The following ZCCHC7 variants were observed in gnomAD, a reference collection of about 807,000 sequenced individuals.
ZCCHC7 encodes the protein zinc finger CCHC-type containing 7.
Under a neutral mutation model 52.0 loss-of-function variants are expected in ZCCHC7, and 35 were observed. The ratio of observed to expected loss-of-function variants is 0.67; its 90% CI spans 0.51 to 0.89. The LOEUF is 0.89. ZCCHC7 is among the 40% of genes least tolerant of loss of function. The pLI, the probability that ZCCHC7 is intolerant of heterozygous loss-of-function variation, is 0.00. For missense variants in ZCCHC7, 574 were observed against 649.1 expected (o/e 0.88, Z 1.26); for synonymous variants, 217 against 221.5 (o/e 0.98, Z 0.18).
intron 2 of ZCCHC7, among the ~76,000 whole-genome samples, chr9:37,143,374 A>T (rs1649165465): frequency 6.6e-6 from 1 of 151,750 alleles, no homozygotes; most frequent in Non-Finnish European, 1.5e-5. Flanking sequence ...AAACTGTTTT[A>T]GCTTTAGCGT....
intron 2 of ZCCHC7, among the ~76,000 whole-genome samples, chr9:37,266,009 T>A (rs1827089352): frequency 6.6e-6 from 1 of 152,236 alleles, no homozygotes; most frequent in African/African-American, 2.4e-5. Context: ...AATTCCTACT[T>A]CTTCCTCAAG....
At chr9:37,181,854 T>G (rs1588440018) in intron 2 of ZCCHC7, among the ~76,000 whole-genome samples, 1 of 152,188 alleles carries the variant, frequency 6.6e-6, no homozygotes. Context: ...TTTTATAAAT[T>G]TTTAAAAAAA....
intron 2 of ZCCHC7, among the ~76,000 whole-genome samples, chr9:37,296,881 T>TTG (rs56378965): frequency 0.15 from 18,277 of 123,946 alleles, 1,571 homozygotes; most frequent in Middle Eastern, 0.23. Flanking sequence ...CCTGGCTAGT[T>TTG]TGTGTGTGTG....
chr9:37,254,312 A>G (rs376425508), intron 2 of ZCCHC7, among the ~76,000 whole-genome samples: 19 of 152,086 alleles, frequency 1.2e-4, no homozygotes, highest in South Asian at 4.1e-4. Context: ...GTTGGCTGAC[A>G]TAAGAAAAAT....
intron 2 of ZCCHC7, among the ~76,000 whole-genome samples, chr9:37,236,382 CT>C (rs565230377): frequency 3.0e-3 from 436 of 144,396 alleles, no homozygotes; most frequent in East Asian, 0.011. Context: ...ATTTCTCTAC[CT>C]TTTTTTTTTT....
At chr9:37,303,611 A>T (rs933715601) in intron 3 of ZCCHC7, among the ~76,000 whole-genome samples, 7 of 146,526 alleles carry the variant, frequency 4.8e-5, no homozygotes, top group Non-Finnish European at 9.0e-5. Context: ...GACAAAAAGC[A>T]GTAGAGTTAC....
intron 2 of ZCCHC7, among the ~76,000 whole-genome samples, chr9:37,278,555 G>A (rs951673642): frequency 3.9e-5 from 6 of 152,054 alleles, no homozygotes; most frequent in African/African-American, 1.4e-4. Context: ...CAGAAGAAGA[G>A]AAGGAAACTG....
chr9:37,323,600 A>G (rs1830132640), intron 5 of ZCCHC7, among the ~76,000 whole-genome samples: 1 of 152,204 alleles, frequency 6.6e-6, no homozygotes, highest in Non-Finnish European at 1.5e-5. Flanking sequence ...CTCTTTATCA[A>G]GAATGGCAAA....
At chr9:37,206,474 C>T (rs1823923281) in intron 2 of ZCCHC7, among the ~76,000 whole-genome samples, 1 of 152,054 alleles carries the variant, frequency 6.6e-6, no homozygotes, top group Non-Finnish European at 1.5e-5. Context: ...ACCTCAGCCC[C>T]CCGAGTAGCT....
intron 2 of ZCCHC7, among the ~76,000 whole-genome samples, chr9:37,281,235 C>G (rs1448323438): frequency 6.6e-6 from 1 of 152,172 alleles, no homozygotes; most frequent in Non-Finnish European, 1.5e-5. Flanking sequence ...AGGCTGGTCT[C>G]AAACTCCTGG....
intron 5 of ZCCHC7, among the ~76,000 whole-genome samples, chr9:37,311,758 C>G (rs995379092): frequency 1.3e-5 from 2 of 152,150 alleles, no homozygotes; most frequent in African/African-American, 2.4e-5. Context: ...CAGCCATATA[C>G]TACAATATTT....
chr9:37,254,550 G>T (rs1262190682), intron 2 of ZCCHC7, among the ~76,000 whole-genome samples: 1 of 151,864 alleles, frequency 6.6e-6, no homozygotes, highest in East Asian at 1.9e-4. Context: ...AAAAAAAGGC[G>T]TCAGAAGGTT....
chr9:37,177,694 T>A (rs964357783), intron 2 of ZCCHC7, among the ~76,000 whole-genome samples: 5 of 152,170 alleles, frequency 3.3e-5, no homozygotes, highest in African/African-American at 1.2e-4. Context: ...GATATACTCT[T>A]GATATGATAT....
intron 1 of ZCCHC7, among the ~76,000 whole-genome samples, chr9:37,125,350 G>A (rs551942945): frequency 6.6e-6 from 1 of 151,906 alleles, no homozygotes; most frequent in East Asian, 1.9e-4. Flanking sequence ...TGGAGATGGG[G>A]TCTTACTGTG....
intron 2 of ZCCHC7, among the ~76,000 whole-genome samples, chr9:37,268,077 T>C (rs1166884633): frequency 1.3e-5 from 2 of 152,198 alleles, no homozygotes; most frequent in African/African-American, 4.8e-5. Context: ...GCATTTCTTA[T>C]AATGCCATTC....
intron 2 of ZCCHC7, among the ~76,000 whole-genome samples, chr9:37,291,594 A>C (rs763606454): frequency 3.9e-5 from 6 of 152,234 alleles, no homozygotes; most frequent in Non-Finnish European, 8.8e-5. Context: ...ATGATATAGA[A>C]ATGAAAAATT....
At chr9:37,130,914 A>G (rs913079144) in intron 2 of ZCCHC7, among the ~76,000 whole-genome samples, 1 of 151,984 alleles carries the variant, frequency 6.6e-6, no homozygotes, top group Non-Finnish European at 1.5e-5. Context: ...AAGTCTGTGA[A>G]AGACAATAAA....
intron 2 of ZCCHC7, among the ~76,000 whole-genome samples, chr9:37,286,439 C>G (rs1419496099): frequency 3.3e-5 from 5 of 152,084 alleles, no homozygotes; most frequent in Non-Finnish European, 5.9e-5. Context: ...GGGTGGATCA[C>G]TTGAAATCAG....
Position 37,310,952 on chromosome 9 carries a change from C to A in ZCCHC7, c.951+5238C>A, listed in dbSNP as rs552335302. 7.0e-3 allele frequency among the ~76,000 whole-genome samples: 913 copies of A among 130,342 alleles called. 9 individuals are homozygous for A. The highest frequency in any genetic ancestry group is 0.011 in the Middle Eastern group (3 of 262). 85.5% of individuals were successfully genotyped at this position (130,342 alleles called of 152,430 possible). On this transcript the variant is annotated intron_variant, in intron 5 of 8. Coordinates refer to ENST00000336755, the MANE Select transcript of ZCCHC7 (RefSeq NM_032226.3). ...AGCCTGGGTGACAGTGTAAGACTCT[C>A]TCTTTTTAAAAAAAAAAAAAAAAAA...
Sources: gnomAD v4.1 joint callset for allele counts (sites outside exome capture counted in the v4.1 genomes callset) on GRCh38, gnomAD v4.1.1 for gene constraint, MANE v1.5 for transcripts, NCBI Gene and HGNC (gene_info 2026-07-23, HGNC 2026-07-21) for gene names.